Variants in CTNNA2 observed in about 807,000 individuals in gnomAD.
CTNNA2 encodes catenin alpha 2, also known as catenin alpha-2.
Under a neutral mutation model 101.0 loss-of-function variants are expected in CTNNA2, and 42 were observed. The ratio of observed to expected loss-of-function variants is 0.42; its 90% confidence interval spans 0.32 to 0.54. The LOEUF (loss-of-function observed/expected upper bound fraction) is 0.54, where lower values mean the gene tolerates loss of function less well. Among genes scored for constraint, CTNNA2 ranks in the 20% least tolerant of loss-of-function variants. The pLI is 0.14. For synonymous variants in CTNNA2, 450 were observed against 456.4 expected (o/e 0.99, Z 0.18); for missense variants, 871 against 1,223.1 (o/e 0.71, Z 4.29).
chr2:79,400,071 C>G (rs946565794), intron 4 of CTNNA2, among the ~76,000 whole-genome samples: 7 of 151,960 alleles, frequency 4.6e-5, no homozygotes, highest in African/African-American at 1.4e-4. Context: ...GTAAGATGTA[C>G]ATTGGTTTGG....
intron 2 of CTNNA2, among the ~76,000 whole-genome samples, chr2:79,237,114 A>T (rs887686636): frequency 1.3e-5 from 2 of 152,196 alleles, no homozygotes; most frequent in African/African-American, 4.8e-5. Context: ...TATGAAATGT[A>T]TTTTTTAAAT....
At chr2:80,014,908 AT>A (rs1213255241) in intron 7 of CTNNA2, among the ~76,000 whole-genome samples, 1 of 152,156 alleles carries the variant, frequency 6.6e-6, no homozygotes, top group Non-Finnish European at 1.5e-5. Context: ...TCACCTCAAG[AT>A]GGGGAAGGAG....
intron 4 of CTNNA2, among the ~76,000 whole-genome samples, chr2:79,375,928 C>G (rs1677968009): frequency 6.6e-6 from 1 of 152,118 alleles, no homozygotes; most frequent in African/African-American, 2.4e-5. Context: ...GCCTGTAACT[C>G]ATGACAAAGA....
In CTNNA2 at chr2:80,569,633, G is replaced by GTTTTTTTTTTTTTTT. The variant is rs70940088; in HGVS notation, c.1742-4517_1742-4503dup. On this transcript the variant is annotated intron_variant, in intron 12 of 18. Coordinates refer to ENST00000402739, the MANE Select transcript of CTNNA2 (RefSeq NM_001282597.3). Reference sequence around the variant, plus strand: ...TCAGTATTACTTTTGGGGTATTTAGGTTTTTTTTTTTTTTTTTTTTTTTTT... The same window carrying GTTTTTTTTTTTTTTT: ...TCAGTATTACTTTTGGGGTATTTAGGTTTTTTTTTTTTTTTTTTTTTTTTTTTTTTTTTTTTTTTT... Among the ~76,000 whole-genome samples, 361 of 51,704 alleles carry GTTTTTTTTTTTTTTT rather than the reference G, an allele frequency of 7.0e-3. 87 individuals carry two copies. Among genetic ancestry groups the GTTTTTTTTTTTTTTT allele is most frequent in the Non-Finnish European group, 1.0e-2 (255 of 25,566 alleles). The allele number at this position is 51,704 out of a possible 152,430, so 33.9% of individuals were successfully genotyped here. A position where few individuals can be genotyped will look rare whatever the true frequency, so the allele number is the denominator to read the frequency against.
intron 7 of CTNNA2, among the ~76,000 whole-genome samples, chr2:80,252,279 A>T (rs1193502363): frequency 6.6e-6 from 1 of 152,156 alleles, no homozygotes; most frequent in Non-Finnish European, 1.5e-5. Flanking sequence ...TGGATTACTA[A>T]ACTCTGAGGA....
chr2:80,454,107 GCTGT>G (rs1683759134), intron 9 of CTNNA2, among the ~76,000 whole-genome samples: 1 of 152,164 alleles, frequency 6.6e-6, no homozygotes, highest in Admixed American at 6.5e-5. Context: ...ATCAAGGGAG[GCTGT>G]CTGAGAACAA....
chr2:80,388,120 C>A (rs1030549888), intron 7 of CTNNA2, among the ~76,000 whole-genome samples: 3 of 152,160 alleles, frequency 2.0e-5, no homozygotes, highest in South Asian at 2.1e-4. Context: ...ACACATGAAA[C>A]TATGAAATCA....
intron 9 of CTNNA2, among the ~76,000 whole-genome samples, chr2:80,515,935 A>G (rs1295305847): frequency 1.3e-5 from 2 of 152,170 alleles, no homozygotes; most frequent in African/African-American, 4.8e-5. Context: ...ACCAGTTTTG[A>G]TGGTTTTTGC....
At chr2:80,139,870 G>C (rs529593881) in intron 7 of CTNNA2, among the ~76,000 whole-genome samples, 1 of 152,186 alleles carries the variant, frequency 6.6e-6, no homozygotes, top group East Asian at 1.9e-4. Context: ...TGGGTGTTCT[G>C]CAAACAAATA....
At chr2:79,483,805 T>A (rs1448844621) in intron 4 of CTNNA2, among the ~76,000 whole-genome samples, 1 of 152,228 alleles carries the variant, frequency 6.6e-6, no homozygotes, top group Non-Finnish European at 1.5e-5. Flanking sequence ...TTTATCCACC[T>A]GTTGACTGAT....
At position 79,773,073 on chromosome 2, in the gene CTNNA2, T is replaced by A. The variant is rs557099857; in HGVS notation, c.298+28491T>A. Among the ~76,000 whole-genome samples, 5 of 152,268 alleles carry A rather than the reference T, an allele frequency of 3.3e-5. No homozygotes were observed. The South Asian group carries it at 8.3e-4, about 25-fold the overall frequency. On this transcript the variant is annotated intron_variant, in intron 3 of 18. Coordinates refer to ENST00000402739, the MANE Select transcript of CTNNA2 (RefSeq NM_001282597.3). ...ATTTACTTCCAGAATTGGAAGAATA[T>A]TATAAAAGGCATCTAGTCATGTGGA...
intron 11 of CTNNA2, among the ~76,000 whole-genome samples, chr2:80,546,448 C>G (rs1471231191): frequency 6.6e-6 from 1 of 152,104 alleles, no homozygotes; most frequent in African/African-American, 2.4e-5. Flanking sequence ...TCCAATTTGG[C>G]TATGTTAAGT....
At chr2:80,549,203 A>G (rs1054494006) in intron 11 of CTNNA2, among the ~76,000 whole-genome samples, 1 of 152,232 alleles carries the variant, frequency 6.6e-6, no homozygotes, top group African/African-American at 2.4e-5. Context: ...GTATTTTAAA[A>G]TAAGCATCTT....
chr2:80,330,663 G>C (rs557899859), intron 7 of CTNNA2, among the ~76,000 whole-genome samples: 83 of 152,170 alleles, frequency 5.5e-4, no homozygotes, highest in African/African-American at 1.8e-3. Context: ...GCTCTGCTGT[G>C]GGTGGAGTGT....
At chr2:79,807,721 T>G (rs1478030467) in intron 3 of CTNNA2, among the ~76,000 whole-genome samples, 1 of 152,198 alleles carries the variant, frequency 6.6e-6, no homozygotes, top group African/African-American at 2.4e-5. Context: ...TTAAAATCAT[T>G]TACTGAAGTT....
chr2:79,572,046 T>C (rs977969400), intron 1 of CTNNA2, among the ~76,000 whole-genome samples: 7 of 152,144 alleles, frequency 4.6e-5, no homozygotes, highest in African/African-American at 1.7e-4. Flanking sequence ...ATTGTGACAG[T>C]TTTTGTATTG....
intron 7 of CTNNA2, among the ~76,000 whole-genome samples, chr2:80,081,797 CTA>C (rs1553445620): frequency 6.6e-6 from 1 of 151,704 alleles, no homozygotes; most frequent in African/African-American, 2.4e-5. Context: ...CTCTCTCTCT[CTA>C]TCTCCTCTCT....
intron 4 of CTNNA2, among the ~76,000 whole-genome samples, chr2:79,460,920 C>G (rs1670870948): frequency 6.6e-6 from 1 of 152,158 alleles, no homozygotes; most frequent in African/African-American, 2.4e-5. Context: ...CTACTCACTG[C>G]AACATCTGCC....
chr2:79,757,991 T>C (rs775349889), intron 3 of CTNNA2, among the ~76,000 whole-genome samples: 14 of 152,202 alleles, frequency 9.2e-5, no homozygotes, highest in Non-Finnish European at 1.9e-4. Flanking sequence ...GGACAACAGA[T>C]TGGGCTCTTA....
Sources: gnomAD v4.1 joint callset for allele counts (sites outside exome capture counted in the v4.1 genomes callset) on GRCh38, gnomAD v4.1.1 for gene constraint, MANE v1.5 for transcripts, NCBI Gene and HGNC (gene_info 2026-07-23, HGNC 2026-07-21) for gene names.